ZFPM2: variants seen among roughly 807,000 people sequenced by gnomAD.
ZFPM2 encodes the protein zinc finger protein, FOG family member 2.
ZFPM2 carries 20 observed loss-of-function variants against 98.6 expected under a neutral mutation model. That is an observed-to-expected ratio of 0.20 (90% confidence interval 0.14 to 0.29). ZFPM2 has a LOEUF of 0.29. Ranked by LOEUF, ZFPM2 falls within the 10% of genes least tolerant of loss-of-function variation. The pLI is 1.00. For synonymous variants in ZFPM2, 518 were observed against 502.7 expected (o/e 1.03, Z -0.41); for missense variants, 1,310 against 1,388.6 (o/e 0.94, Z 0.90).
chr8:105,656,823 TATTCTGATTCCTG>T (rs1371286701), intron 5 of ZFPM2, among the ~76,000 whole-genome samples: 6 of 152,214 alleles, frequency 3.9e-5, no homozygotes, highest in Non-Finnish European at 7.3e-5. Context: ...CATTTACTTG[TATTCTGATTCCTG>T]ATTCTGATTC....
At chr8:105,515,296 C>A (rs757235295) in intron 3 of ZFPM2, among the ~76,000 whole-genome samples, 1 of 152,180 alleles carries the variant, frequency 6.6e-6, no homozygotes, top group East Asian at 1.9e-4. Flanking sequence ...ATACTAATGC[C>A]GCTTTCCATC....
intron 4 of ZFPM2, among the ~76,000 whole-genome samples, chr8:105,623,286 T>A (rs1164844589): frequency 6.6e-6 from 1 of 152,128 alleles, no homozygotes; most frequent in Non-Finnish European, 1.5e-5. Flanking sequence ...TTTCACACAC[T>A]TTTTCCCTTT....
At chr8:105,480,612 AT>A (rs574329226) in intron 3 of ZFPM2, among the ~76,000 whole-genome samples, 2 of 152,358 alleles carry the variant, frequency 1.3e-5, no homozygotes, top group South Asian at 4.1e-4. Flanking sequence ...CTGAACTAGA[AT>A]GTAAAATTAA....
intron 1 of ZFPM2, among the ~76,000 whole-genome samples, chr8:105,412,473 A>G (rs1811595779): frequency 6.6e-6 from 1 of 151,832 alleles, no homozygotes; most frequent in Non-Finnish European, 1.5e-5. Flanking sequence ...ACACATGGAA[A>G]GAAATTAATC....
chr8:105,514,416 A>G (rs1257365616), intron 3 of ZFPM2, among the ~76,000 whole-genome samples: 1 of 150,642 alleles, frequency 6.6e-6, no homozygotes, highest in Non-Finnish European at 1.5e-5. Flanking sequence ...ACAGTGTCTA[A>G]TGTATACATG....
At chr8:105,577,164 C>T (rs1187091397) in intron 4 of ZFPM2, among the ~76,000 whole-genome samples, 1 of 152,124 alleles carries the variant, frequency 6.6e-6, no homozygotes, top group East Asian at 1.9e-4. Flanking sequence ...TTCCATAAGT[C>T]AGGAACTCTT....
intron 1 of ZFPM2, among the ~76,000 whole-genome samples, chr8:105,353,816 G>A (rs1812692035): frequency 6.6e-6 from 1 of 152,134 alleles, no homozygotes; most frequent in Admixed American, 6.5e-5. Context: ...TTTTTTAAAA[G>A]GACCGGAGTT....
chr8:105,653,453 CTTTTAAAAA>C (rs1041270688), intron 5 of ZFPM2, among the ~76,000 whole-genome samples: 1 of 152,148 alleles, frequency 6.6e-6, no homozygotes, highest in African/African-American at 2.4e-5. Flanking sequence ...ATTATTCCGC[CTTTTAAAAA>C]TTTGACTAAT....
chr8:105,543,188 G>C (rs1394669150), intron 3 of ZFPM2, among the ~76,000 whole-genome samples: 1 of 152,166 alleles, frequency 6.6e-6, no homozygotes, highest in Non-Finnish European at 1.5e-5. Flanking sequence ...CTCCTTTTAA[G>C]AGAAGCGAAA....
At chr8:105,487,917 TCTATCTATCTATCTAGCTAG>T (rs1323778756) in intron 3 of ZFPM2, among the ~76,000 whole-genome samples, 4 of 95,476 alleles carry the variant, frequency 4.2e-5, no homozygotes, top group East Asian at 5.8e-4. Context: ...TATCTATCTA[TCTATCTATCTATCTAGCTAG>T]CTAGCTAGCT....
intron 4 of ZFPM2, among the ~76,000 whole-genome samples, chr8:105,632,329 C>G (rs1816769824): frequency 6.6e-6 from 1 of 152,092 alleles, no homozygotes; most frequent in Non-Finnish European, 1.5e-5. Context: ...ACCATCACAC[C>G]TGGCTAATTT....
intron 1 of ZFPM2, 44 bp from the exon 2 acceptor site, chr8:105,419,100 T>A: frequency 6.3e-7 from 1 of 1,588,540 alleles, no homozygotes; most frequent in Non-Finnish European, 8.6e-7. Flanking sequence ...TTTCACTGTC[T>A]TCCTTGCATA....
chr8:105,656,042 G>A (rs1817278216), intron 5 of ZFPM2, among the ~76,000 whole-genome samples: 1 of 151,914 alleles, frequency 6.6e-6, no homozygotes, highest in Admixed American at 6.6e-5. Flanking sequence ...CTAGACACTG[G>A]AGTGACCAAA....
At chr8:105,615,814 T>TA (rs1179462624) in intron 4 of ZFPM2, among the ~76,000 whole-genome samples, 1 of 152,104 alleles carries the variant, frequency 6.6e-6, no homozygotes, top group Admixed American at 6.6e-5. Flanking sequence ...TCTAACCACT[T>TA]ACTGACAAAG....
chr8:105,427,150 C>G (rs773857537), intron 2 of ZFPM2, among the ~76,000 whole-genome samples: 1 of 152,130 alleles, frequency 6.6e-6, no homozygotes, highest in Admixed American at 6.6e-5. Flanking sequence ...AAGGAACTCT[C>G]TTCTTATGAG....
intron 3 of ZFPM2, among the ~76,000 whole-genome samples, chr8:105,493,509 G>A (rs752324892): frequency 1.4e-4 from 21 of 152,188 alleles, no homozygotes; most frequent in Admixed American, 6.5e-4. Flanking sequence ...GATAAGAGAA[G>A]TACTTCTTTT....
chr8:105,538,623 C>A (rs1194538131), intron 3 of ZFPM2, among the ~76,000 whole-genome samples: 1 of 151,912 alleles, frequency 6.6e-6, no homozygotes, highest in African/African-American at 2.4e-5. Flanking sequence ...GACTTTATTC[C>A]ATATTATTAT....
At chr8:105,616,389 A>T (rs190694944) in intron 4 of ZFPM2, among the ~76,000 whole-genome samples, 22 of 152,282 alleles carry the variant, frequency 1.4e-4, no homozygotes, top group Admixed American at 4.6e-4. Context: ...CTCCCCAGGA[A>T]CAATCTATTT....
intron 4 of ZFPM2, among the ~76,000 whole-genome samples, chr8:105,617,473 C>A (rs1042439752): frequency 6.6e-6 from 1 of 152,204 alleles, no homozygotes; most frequent in African/African-American, 2.4e-5. Context: ...TCCATCAGTG[C>A]GCCTAGATTT....
Sources: gnomAD v4.1 joint callset for allele counts (sites outside exome capture counted in the v4.1 genomes callset) on GRCh38, gnomAD v4.1.1 for gene constraint, MANE v1.5 for transcripts, NCBI Gene and HGNC (gene_info 2026-07-23, HGNC 2026-07-21) for gene names.